RTN4IP1: variants seen among roughly 807,000 people sequenced by gnomAD.
The protein encoded by RTN4IP1 is reticulon 4 interacting protein 1, also known as NAD(P)H oxidoreductase RTN4IP1, mitochondrial.
In RTN4IP1, 32 loss-of-function variants were observed where a neutral mutation model predicts 46.6. That is an observed-to-expected ratio of 0.69 (90% CI 0.52 to 0.92). The LOEUF is 0.92. Ranked by LOEUF, RTN4IP1 falls within the 40% of genes least tolerant of loss-of-function variation. The pLI, the probability that RTN4IP1 is intolerant of heterozygous loss-of-function variation, is 0.00. For missense variants in RTN4IP1, 424 were observed against 485.8 expected (o/e 0.87, Z 1.20); for synonymous variants, 167 against 161.8 (o/e 1.03, Z -0.24).
chr6:106,628,998 T>G lies in RTN4IP1; in HGVS notation c.24A>C (p.Val8=). 1 of 1,612,014 alleles carries G rather than the reference T, an allele frequency of 6.2e-7. No individual in the cohort carries two copies. The highest frequency in any genetic ancestry group is 1.1e-5 in the South Asian group (1 of 91,036). MEFLKTC[V]LRRNACTAVC... The stretch of plus-strand genomic sequence containing the variant: ...CCGCAGTGCATGCATTTCTTCTAAG[T>G]ACACAAGTCTTCAGAAATTCCATTG... Residue 8 remains valine (V), a synonymous_variant, in exon 1 of 9, where the codon GTA becomes GTC. Transcript: ENST00000369063.
chr6:106,605,213 A>G (rs933891684), intron 4 of RTN4IP1, among the ~76,000 whole-genome samples: 1 of 152,168 alleles, frequency 6.6e-6, no homozygotes, highest in African/African-American at 2.4e-5. Flanking sequence ...AGGCAGGCAG[A>G]TCATGAGGGC....
chr6:106,579,641 A>C (rs1043783473), intron 8 of RTN4IP1, among the ~76,000 whole-genome samples: 5 of 152,132 alleles, frequency 3.3e-5, no homozygotes, highest in African/African-American at 1.2e-4. Context: ...AAGAAGGTAG[A>C]AGGACAATGC....
intron 8 of RTN4IP1, among the ~76,000 whole-genome samples, chr6:106,575,502 T>C (rs1025278267): frequency 6.6e-6 from 1 of 150,652 alleles, no homozygotes; most frequent in Non-Finnish European, 1.5e-5. Context: ...GCTAGGCAAG[T>C]CCTCCTTCCT....
chr6:106,589,175 GGA>G (rs1775563866), intron 6 of RTN4IP1, among the ~76,000 whole-genome samples: 1 of 31,466 alleles, frequency 3.2e-5, no homozygotes, highest in African/African-American at 9.3e-5. Flanking sequence ...AGGCGGTGGA[GGA>G]GGAGGAGGAG....
At chr6:106,627,522 T>C (rs1189467199) in intron 1 of RTN4IP1, among the ~76,000 whole-genome samples, 1 of 152,140 alleles carries the variant, frequency 6.6e-6, no homozygotes, top group Non-Finnish European at 1.5e-5. Context: ...GGGATCAATC[T>C]TGAAAGAACT....
Position 106,571,052 on chromosome 6 carries a change from G to A in RTN4IP1, c.*944C>T, listed in dbSNP as rs1362407271. On this transcript the variant is annotated 3_prime_UTR_variant, in exon 9 of 9. Transcript: ENST00000369063. The stretch of plus-strand genomic sequence containing the variant: ...TTTGACATCAAAGTGGCAAGCTTTG[G>A]GCTCCATTGGAAGGCTGCAATTTCC... 1 of 152,098 alleles carries A rather than the reference G, an allele frequency of 6.6e-6. No homozygotes were observed. Among genetic ancestry groups the A allele is most frequent in the African/African-American group, 2.4e-5 (1 of 41,412 alleles). 9.4% of individuals were successfully genotyped at this position (152,098 alleles called of 1,614,324 possible). A position where few individuals can be genotyped will look rare whatever the true frequency, so the allele number is the denominator to read the frequency against.
chr6:106,618,072 GAATA>G (rs1478336915), intron 4 of RTN4IP1, among the ~76,000 whole-genome samples: 2 of 152,120 alleles, frequency 1.3e-5, no homozygotes, highest in Non-Finnish European at 2.9e-5. Context: ...TTGACCTTTA[GAATA>G]AATATTTACC....
In RTN4IP1 at chr6:106,611,779, T is replaced by A. The variant is rs187038810; in HGVS notation, c.620+7423A>T. Among the ~76,000 whole-genome samples the A allele has an allele frequency of 5.9e-5, 9 of 152,352 alleles. No homozygotes were observed. In the East Asian group the frequency reaches 1.7e-3, roughly 29 times the overall value. The stretch of plus-strand genomic sequence containing the variant: ...TTCTTCTAAGCCTCTGTAATGCATG[T>A]TGACATCCCCCAATTTACAGAAGAG... On this transcript the variant is annotated intron_variant, in intron 4 of 8. Transcript: ENST00000369063.
chr6:106,577,614 C>T (rs779938450), intron 8 of RTN4IP1, among the ~76,000 whole-genome samples: 7 of 152,124 alleles, frequency 4.6e-5, no homozygotes, highest in Non-Finnish European at 7.4e-5. Context: ...ATGTTCACAT[C>T]CTGATTCCCA....
intron 1 of RTN4IP1, 109 bp from the exon 2 acceptor site, chr6:106,623,078 T>C (rs1238552490): frequency 7.6e-6 from 8 of 1,048,928 alleles, no homozygotes; most frequent in Non-Finnish European, 7.0e-6. Context: ...ATGTAGATTA[T>C]AAATCATTCC....
chr6:106,592,409 T>G, intron 5 of RTN4IP1, 109 bp from the exon 6 acceptor site: 1 of 1,137,468 alleles, frequency 8.8e-7, no homozygotes, highest in Non-Finnish European at 1.2e-6. Flanking sequence ...CAGACTAATC[T>G]CTAGAGAACT....
chr6:106,606,867 A>C (rs72945047), intron 4 of RTN4IP1, among the ~76,000 whole-genome samples: 6,029 of 152,346 alleles, frequency 0.04, 174 homozygotes, highest in Non-Finnish European at 0.06. Context: ...CCTTATCAAA[A>C]TATCAATGAC....
intron 1 of RTN4IP1, among the ~76,000 whole-genome samples, chr6:106,625,525 A>G (rs1176112573): frequency 6.6e-6 from 1 of 152,114 alleles, no homozygotes; most frequent in Non-Finnish European, 1.5e-5. Flanking sequence ...AATGGGAAAT[A>G]AGGGACTGGA....
At chr6:106,623,258 G>C (rs1191709359) in intron 1 of RTN4IP1, among the ~76,000 whole-genome samples, 1 of 152,170 alleles carries the variant, frequency 6.6e-6, no homozygotes, top group Admixed American at 6.5e-5. Context: ...TCCTTTCCAA[G>C]GATATGGATG....
intron 7 of RTN4IP1, among the ~76,000 whole-genome samples, chr6:106,585,549 G>A (rs72943097): frequency 0.039 from 6,008 of 152,262 alleles, 173 homozygotes; most frequent in Non-Finnish European, 0.06. Context: ...TTCACAGCAT[G>A]TGGCTCTGTA....
At chr6:106,613,280 G>A (rs1776274696) in intron 4 of RTN4IP1, among the ~76,000 whole-genome samples, 1 of 152,126 alleles carries the variant, frequency 6.6e-6, no homozygotes, top group Non-Finnish European at 1.5e-5. Context: ...TTTAAGAAAT[G>A]CCTTCCAGGA....
At chr6:106,621,378 T>C in intron 3 of RTN4IP1, 47 bp downstream of exon 3, 7 of 1,349,704 alleles carry the variant, frequency 5.2e-6, no homozygotes, top group Non-Finnish European at 6.4e-6. Context: ...TATTTGCCAG[T>C]CTTTGTTTAA....
At chr6:106,580,468 C>T (rs1775338435) in intron 8 of RTN4IP1, among the ~76,000 whole-genome samples, 1 of 151,926 alleles carries the variant, frequency 6.6e-6, no homozygotes, top group South Asian at 2.1e-4. Context: ...TCTGTAATCC[C>T]AGCACTTTGG....
At chr6:106,606,173 A>C (rs1374042257) in intron 4 of RTN4IP1, among the ~76,000 whole-genome samples, 1 of 152,054 alleles carries the variant, frequency 6.6e-6, no homozygotes, top group Non-Finnish European at 1.5e-5. Flanking sequence ...TGTAATCCCA[A>C]CACTTCAGGA....
Sources: allele counts gnomAD v4.1 joint callset (sites outside exome capture counted in the v4.1 genomes callset), GRCh38; gene constraint gnomAD v4.1.1; transcripts MANE v1.5; gene names NCBI Gene and HGNC (gene_info 2026-07-23, HGNC 2026-07-21).